The following LY6S variants were observed in gnomAD, a reference collection of about 807,000 sequenced individuals.
The protein encoded by LY6S is lymphocyte antigen 6 family member S.
chr8:143,053,603 A>G, the LY6S span: 2 of 152,194 alleles, frequency 1.3e-5, no homozygotes, highest in Admixed American at 1.3e-4. Context: ...GAGTGGGCTC[A>G]TGGGTTCTTT....
chr8:143,070,861 C>A, the LY6S span, among the ~76,000 whole-genome samples: 1 of 152,082 alleles, frequency 6.6e-6, no homozygotes, highest in African/African-American at 2.4e-5. Flanking sequence ...TATACAGGGA[C>A]TGATGTTGTA....
the LY6S span, among the ~76,000 whole-genome samples, chr8:143,045,546 C>T: frequency 0.082 from 12,525 of 152,122 alleles, 1,738 homozygotes; most frequent in African/African-American, 0.29. This position sits in a 1 kb window ranked among gnomAD's most constrained non-coding sequence, Gnocchi z 5.3. Context: ...CCCATTCCTC[C>T]CTCCCATCCT....
At chr8:143,062,110 G>A in the LY6S span, among the ~76,000 whole-genome samples, 1 of 152,100 alleles carries the variant, frequency 6.6e-6, no homozygotes, top group Non-Finnish European at 1.5e-5. Flanking sequence ...AAAAAGATAT[G>A]ATTAGAAAGG....
the LY6S span, among the ~76,000 whole-genome samples, chr8:143,071,974 A>G: frequency 4.0e-5 from 6 of 151,788 alleles, no homozygotes; most frequent in Admixed American, 3.3e-4. Context: ...ATCTAACACA[A>G]CCTCCCTTCA....
At chr8:143,047,872 C>T in the LY6S span, 1 of 152,232 alleles carries the variant, frequency 6.6e-6, no homozygotes, top group South Asian at 2.1e-4. Context: ...TCTCTGCTGT[C>T]TCGCCCTTAC....
At chr8:143,070,425 TATATATA>T in the LY6S span, among the ~76,000 whole-genome samples, 2 of 100,798 alleles carry the variant, frequency 2.0e-5, no homozygotes, top group African/African-American at 1.1e-4. Flanking sequence ...TATATATTTA[TATATATA>T]TTATATATAT....
chr8:143,076,151 G>A, the LY6S span, among the ~76,000 whole-genome samples: 2 of 152,184 alleles, frequency 1.3e-5, no homozygotes, highest in Admixed American at 6.5e-5. Context: ...ATTGTGCGCC[G>A]GGGAGACCAT....
chr8:143,051,505 C>T, the LY6S span, among the ~76,000 whole-genome samples: 1,110 of 151,894 alleles, frequency 7.3e-3, 7 homozygotes, highest in Admixed American at 0.013. Context: ...CGCACCATTG[C>T]ACTCCAGCCT....
the LY6S span, among the ~76,000 whole-genome samples, chr8:143,052,056 C>T: frequency 6.6e-6 from 1 of 151,254 alleles, no homozygotes; most frequent in Non-Finnish European, 1.5e-5. Context: ...CTGAGGCGGG[C>T]AGATCACGAG....
the LY6S span, among the ~76,000 whole-genome samples, chr8:143,058,156 G>T: frequency 1.3e-5 from 2 of 152,138 alleles, no homozygotes; most frequent in African/African-American, 4.8e-5. Context: ...AGCCCCACAG[G>T]GTAGGTGGGT....
chr8:143,070,497 T>A, the LY6S span, among the ~76,000 whole-genome samples: 16 of 119,726 alleles, frequency 1.3e-4, 1 homozygote, highest in African/African-American at 2.9e-4. Context: ...ATATTTTTTT[T>A]TTTTTTTGAG....
chr8:143,059,132 C>T, the LY6S span, among the ~76,000 whole-genome samples: 1 of 152,158 alleles, frequency 6.6e-6, no homozygotes, highest in Non-Finnish European at 1.5e-5. Flanking sequence ...GGTGGCTTGC[C>T]GCCCACATGC....
the LY6S span, among the ~76,000 whole-genome samples, chr8:143,058,915 A>G: frequency 7.9e-5 from 12 of 152,194 alleles, no homozygotes; most frequent in Non-Finnish European, 1.6e-4. Flanking sequence ...CTCAGCTCCT[A>G]TCTCTGTATG....
the LY6S span, among the ~76,000 whole-genome samples, chr8:143,041,383 C>G: frequency 6.6e-6 from 1 of 152,222 alleles, no homozygotes; most frequent in Non-Finnish European, 1.5e-5. Flanking sequence ...AAATATGGCT[C>G]TGTTTCACCT....
chr8:143,053,449 C>G, the LY6S span: 1 of 152,168 alleles, frequency 6.6e-6, no homozygotes, highest in Non-Finnish European at 1.5e-5. Flanking sequence ...ACCTGGCTGG[C>G]TTTCCATGAC....
the LY6S span, among the ~76,000 whole-genome samples, chr8:143,042,746 T>G: frequency 1.3e-5 from 2 of 152,140 alleles, no homozygotes; most frequent in African/African-American, 4.8e-5. Context: ...GGGTTGGCCC[T>G]GGCTCCTCGG....
chr8:143,044,094 C>T, the LY6S span: 7,363 of 455,806 alleles, frequency 0.016, 211 homozygotes, highest in East Asian at 0.069. Flanking sequence ...GGCTGCAGCC[C>T]CTCCCCAGTC....
At chr8:143,068,542 T>C in the LY6S span, among the ~76,000 whole-genome samples, 2 of 152,128 alleles carry the variant, frequency 1.3e-5, no homozygotes, top group African/African-American at 4.8e-5. Context: ...CTGTGCTTCC[T>C]GTACAGCCTG....
the LY6S span, among the ~76,000 whole-genome samples, chr8:143,065,606 C>A: frequency 1.3e-5 from 2 of 151,580 alleles, no homozygotes; most frequent in African/African-American, 4.8e-5. Flanking sequence ...TGCTTCCAAT[C>A]TGACAGAATT....
Sources: gnomAD v4.1 joint callset for allele counts (sites outside exome capture counted in the v4.1 genomes callset) on GRCh38, gnomAD v4.1.1 for gene constraint, Gnocchi (gnomAD v3.1) non-coding constraint, MANE v1.5 for transcripts, NCBI Gene and HGNC (gene_info 2026-07-23, HGNC 2026-07-21) for gene names.